CHODL: variants seen among roughly 807,000 people sequenced by gnomAD.
The protein encoded by CHODL is chondrolectin.
Under a neutral mutation model 34.5 loss-of-function variants are expected in CHODL, and 29 were observed. The ratio of observed to expected loss-of-function variants is 0.84; its 90% CI spans 0.63 to 1.15. CHODL has a LOEUF of 1.15. Ranked by LOEUF, CHODL falls within the 50% of genes most tolerant of loss-of-function variation. The pLI, the probability that CHODL is intolerant of heterozygous loss-of-function variation, is 0.00. For missense variants in CHODL, 332 were observed against 332.5 expected, an observed-to-expected ratio of 1.00 and a Z score of 0.01; for synonymous variants, 125 against 116.1, an observed-to-expected ratio of 1.08 and a Z score of -0.49.
At chr21:18,222,178 C>T (rs1360169797) in intron 2 of CHODL, among the ~76,000 whole-genome samples, 1 of 152,112 alleles carries the variant, frequency 6.6e-6, no homozygotes, top group African/African-American at 2.4e-5. Context: ...GCTCATGCTT[C>T]AGTTTAGTTA....
intron 2 of CHODL, among the ~76,000 whole-genome samples, chr21:18,168,962 A>C (rs190088976): frequency 3.0e-4 from 45 of 151,774 alleles, no homozygotes; most frequent in African/African-American, 9.9e-4. Context: ...TTGGGGTTCA[A>C]CTTCTTTCTT....
At chr21:18,194,795 G>A (rs966477886) in intron 2 of CHODL, among the ~76,000 whole-genome samples, 4 of 151,672 alleles carry the variant, frequency 2.6e-5, no homozygotes, top group South Asian at 2.1e-4. Flanking sequence ...AGGAATTTTC[G>A]AGTATTCAAT....
At chr21:17,987,995 GT>G (rs2063766941) in intron 1 of CHODL, among the ~76,000 whole-genome samples, 1 of 152,118 alleles carries the variant, frequency 6.6e-6, no homozygotes, top group South Asian at 2.1e-4. Flanking sequence ...ATTTTTTGAT[GT>G]GAGTACAAGG....
chr21:17,937,870 G>T (rs1294525213), intron 1 of CHODL, among the ~76,000 whole-genome samples: 2 of 151,998 alleles, frequency 1.3e-5, no homozygotes, highest in Non-Finnish European at 2.9e-5. Flanking sequence ...TATGTGCCAG[G>T]TGCTATGTTA....
At chr21:17,942,556 G>A (rs2063374128) in intron 1 of CHODL, among the ~76,000 whole-genome samples, 1 of 152,112 alleles carries the variant, frequency 6.6e-6, no homozygotes, top group Admixed American at 6.5e-5. Context: ...TTTATCAGGA[G>A]TGTGAAAGTG....
chr21:17,949,031 A>G (rs1160492251), intron 1 of CHODL, among the ~76,000 whole-genome samples: 1 of 152,186 alleles, frequency 6.6e-6, no homozygotes, highest in Admixed American at 6.5e-5. Context: ...ATACCTAACT[A>G]TGCAACACTT....
chr21:18,134,244 C>A (rs1390229841), intron 2 of CHODL: 3 of 479,152 alleles, frequency 6.3e-6, no homozygotes, highest in African/African-American at 3.9e-5. Flanking sequence ...TGTGCATATG[C>A]CTCTGCCTGA....
rs1568850908 is a variant in CHODL at position 18,028,244 on chromosome 21, C to CT, written c.-45+273_-45+274insT. 9.5e-4 allele frequency among the ~76,000 whole-genome samples: 89 copies of CT among 93,480 alleles called. 4 individuals are homozygous for CT. Among genetic ancestry groups the CT allele is most frequent in the African/African-American group, 3.3e-3 (78 of 23,580 alleles). The allele number at this position is 93,480 out of a possible 152,430, so 61.3% of individuals were successfully genotyped here. A position where few individuals can be genotyped will look rare whatever the true frequency, so the allele number is the denominator to read the frequency against. ...CCTCCCCTCCCCTCCCCTTCCCCTT[C>CT]CCCTTTTCCTTTTCTTTTTCTTTTT... On this transcript the variant is annotated intron_variant, in intron 2 of 6. Transcript: ENST00000400127.
intron 2 of CHODL, among the ~76,000 whole-genome samples, chr21:18,159,565 T>A (rs11702737): frequency 2.6e-5 from 4 of 152,030 alleles, no homozygotes; most frequent in Non-Finnish European, 5.9e-5. Flanking sequence ...TTTCGAGAAC[T>A]TTCTACATTT....
chr21:18,097,425 A>G (rs1010692800), intron 2 of CHODL, among the ~76,000 whole-genome samples: 3 of 152,178 alleles, frequency 2.0e-5, no homozygotes, highest in African/African-American at 7.2e-5. Context: ...TCTACATGCC[A>G]ACAGTGAACA....
chr21:18,030,085 T>C (rs771653979), intron 2 of CHODL, among the ~76,000 whole-genome samples: 53 of 152,096 alleles, frequency 3.5e-4, no homozygotes, highest in Non-Finnish European at 6.9e-4. Context: ...CCTCGAGTAA[T>C]CTTCTCTCTT....
chr21:18,037,155 A>G (rs1380149595), intron 2 of CHODL, among the ~76,000 whole-genome samples: 1 of 151,958 alleles, frequency 6.6e-6, no homozygotes. Context: ...ACAGACCTAC[A>G]TTGAATTAAA....
chr21:18,174,900 TAGCATGCAGACTCTGAAAA>T (rs1312002319), intron 2 of CHODL, among the ~76,000 whole-genome samples: 1 of 152,250 alleles, frequency 6.6e-6, no homozygotes, highest in African/African-American at 2.4e-5. Context: ...CATTGTGGTT[TAGCATGCAGACTCTGAAAA>T]AGTATCTGTG....
chr21:18,247,376 G>A (rs1288089915), intron 1 of CHODL, among the ~76,000 whole-genome samples: 1 of 152,072 alleles, frequency 6.6e-6, no homozygotes, highest in Non-Finnish European at 1.5e-5. Flanking sequence ...TAATTTCTAT[G>A]TAGGATACTC....
intron 2 of CHODL, among the ~76,000 whole-genome samples, chr21:18,132,519 A>C (rs1399902608): frequency 6.6e-6 from 1 of 152,152 alleles, no homozygotes; most frequent in Non-Finnish European, 1.5e-5. Flanking sequence ...ACATCTATAC[A>C]TCTATATGTA....
At chr21:18,148,686 T>C (rs1020967363) in intron 2 of CHODL, among the ~76,000 whole-genome samples, 1 of 152,170 alleles carries the variant, frequency 6.6e-6, no homozygotes, top group African/African-American at 2.4e-5. Context: ...ACTATACATT[T>C]TACACTGTAT....
intron 2 of CHODL, among the ~76,000 whole-genome samples, chr21:18,207,836 ATATTT>A (rs1331746652): frequency 6.6e-6 from 1 of 151,814 alleles, no homozygotes; most frequent in East Asian, 1.9e-4. Flanking sequence ...TATTGCAGAT[ATATTT>A]TATTTTATTT....
intron 1 of CHODL, among the ~76,000 whole-genome samples, chr21:17,993,144 T>C (rs1555848108): frequency 1.3e-5 from 2 of 152,198 alleles, no homozygotes; most frequent in Non-Finnish European, 2.9e-5. Flanking sequence ...TTCATTTTTT[T>C]CCCATTCAGT....
intron 1 of CHODL, among the ~76,000 whole-genome samples, chr21:17,940,436 A>C (rs1355595692): frequency 6.6e-6 from 1 of 152,222 alleles, no homozygotes; most frequent in Non-Finnish European, 1.5e-5. Flanking sequence ...TATTAGAAAA[A>C]AAGACAAAAA....
Sources: gnomAD v4.1 joint callset for allele counts (sites outside exome capture counted in the v4.1 genomes callset) on GRCh38, gnomAD v4.1.1 for gene constraint, MANE v1.5 for transcripts, NCBI Gene and HGNC (gene_info 2026-07-23, HGNC 2026-07-21) for gene names.